SLC16A1: variants seen among roughly 807,000 people sequenced by gnomAD.
SLC16A1 encodes monocarboxylate transporter 1.
SLC16A1 carries 11 observed loss-of-function variants against 32.2 expected under a neutral mutation model. The ratio of observed to expected loss-of-function variants is 0.34; its 90% CI spans 0.21 to 0.56. The LOEUF is 0.56. Ranked by LOEUF, SLC16A1 falls within the 20% of genes least tolerant of loss-of-function variation. The pLI is 0.87. For missense variants in SLC16A1, 435 were observed against 615.0 expected, an observed-to-expected ratio of 0.71 and a Z score of 3.10; for synonymous variants, 231 against 226.8, an observed-to-expected ratio of 1.02 and a Z score of -0.17.
intron 2 of SLC16A1, 191 bp from the exon 3 acceptor site, chr1:112,922,324 A>G: frequency 3.2e-6 from 2 of 619,080 alleles, no homozygotes; most frequent in Non-Finnish European, 5.6e-6. Context: ...TTAATTGTGC[A>G]GGTTCTAAAT....
At chr1:112,923,177 G>A (rs1407914556) in intron 2 of SLC16A1, among the ~76,000 whole-genome samples, 1 of 152,138 alleles carries the variant, frequency 6.6e-6, no homozygotes, top group African/African-American at 2.4e-5. Context: ...AAATTAGCTG[G>A]GCGTGGTGGC....
intron 1 of SLC16A1, among the ~76,000 whole-genome samples, chr1:112,934,648 CTTT>C (rs1450146325): frequency 1.3e-5 from 2 of 152,074 alleles, no homozygotes; most frequent in Admixed American, 1.3e-4. Flanking sequence ...AGGCAAACTT[CTTT>C]GTCTTAGTTA....
In SLC16A1 at chr1:112,956,140, G is replaced by GT. The variant is rs1650089904; in HGVS notation, c.-151dup. 1 of 152,302 alleles carries GT rather than the reference G, an allele frequency of 6.6e-6. No homozygotes were observed. 9.4% of individuals were successfully genotyped at this position (152,302 alleles called of 1,614,324 possible). A position where few individuals can be genotyped will look rare whatever the true frequency, so the allele number is the denominator to read the frequency against. ...GCTCCCGTCCTTCGCTCGCTGCCTCGTTTGCTTGTTCCAGTACCCACGCAG... is the reference window on the plus strand; with the variant it reads ...GCTCCCGTCCTTCGCTCGCTGCCTCGTTTTGCTTGTTCCAGTACCCACGCAG... On this transcript the variant is annotated 5_prime_UTR_variant, in exon 1 of 5. Transcript: ENST00000369626.
rs756006376 is a variant in SLC16A1, at chr1:112,914,049, C to T, written c.1345G>A (p.Ala449Thr). ...IGMGINYRLL[A>T]KEQKANEQKK... Reference sequence around the variant, plus strand: ...TGCTCGTTTGCTTTCTGTTCTTTTGCCAAAAGTCGATAATTGATGCCCATG... The same window carrying T: ...TGCTCGTTTGCTTTCTGTTCTTTTGTCAAAAGTCGATAATTGATGCCCATG... The change falls in exon 5 of 5, where the codon GCA (alanine) becomes ACA (threonine). Residue 449 changes from alanine to threonine, a missense_variant. Ala to Thr is a moderately conservative substitution (Grantham distance 58, BLOSUM62 0). Transcript: ENST00000369626. 42 of 1,613,996 alleles carry T rather than the reference C, an allele frequency of 2.6e-5. No homozygotes were observed. The highest frequency in any genetic ancestry group is 3.2e-5 in the Non-Finnish European group (38 of 1,180,040).
chr1:112,948,983 A>C (rs1438106410), intron 1 of SLC16A1, among the ~76,000 whole-genome samples: 1 of 151,950 alleles, frequency 6.6e-6, no homozygotes, highest in Non-Finnish European at 1.5e-5. Flanking sequence ...GGCGCCCACC[A>C]CCATGCCCGG....
At chr1:112,946,617 T>C (rs576730937) in intron 1 of SLC16A1, among the ~76,000 whole-genome samples, 2 of 152,332 alleles carry the variant, frequency 1.3e-5, no homozygotes, top group Non-Finnish European at 2.9e-5. Context: ...GCAGTGGCAC[T>C]ATCTCGGCTC....
intron 1 of SLC16A1, among the ~76,000 whole-genome samples, chr1:112,954,265 T>C (rs1020667687): frequency 1.3e-5 from 2 of 152,232 alleles, no homozygotes; most frequent in Non-Finnish European, 2.9e-5. Flanking sequence ...CTGAGAAATC[T>C]ATTTTCAGGC....
At position 112,917,104 on chromosome 1, in the gene SLC16A1, T is replaced by TCTGTCA. The variant is rs755978279; in HGVS notation, c.1228+73_1228+74insTGACAG. The TCTGTCA allele has an allele frequency of 1.3e-6, 2 of 1,588,746 alleles. No homozygotes were observed. The highest frequency in any genetic ancestry group is 2.7e-5 in the African/African-American group (2 of 74,426). On this transcript the variant is annotated intron_variant, in intron 4 of 4. Coordinates refer to ENST00000369626, the MANE Select transcript of SLC16A1 (RefSeq NM_003051.4). This position sits in a 1 kb window ranked among gnomAD's most constrained non-coding sequence, Gnocchi z 4.1. Reference sequence around the variant, plus strand: ...CTTACCCAAATAGCTCACTAATGTTTGCTTTCTGTCAGCATTCCCATCTTA... The same window carrying TCTGTCA: ...CTTACCCAAATAGCTCACTAATGTTTCTGTCAGCTTTCTGTCAGCATTCCCATCTTA...
At chr1:112,933,678 T>C (rs1225605211) in intron 1 of SLC16A1, among the ~76,000 whole-genome samples, 1 of 152,096 alleles carries the variant, frequency 6.6e-6, no homozygotes, top group African/African-American at 2.4e-5. Flanking sequence ...CGTTGGTTAT[T>C]TAAAAATGCA....
At chr1:112,929,878 G>A (rs1192565215) in intron 1 of SLC16A1, among the ~76,000 whole-genome samples, 1 of 152,084 alleles carries the variant, frequency 6.6e-6, no homozygotes, top group Non-Finnish European at 1.5e-5. Flanking sequence ...GTAAACAAGA[G>A]ACCTGATGAG....
intron 1 of SLC16A1, 70 bp from the exon 2 acceptor site, chr1:112,929,422 A>G: frequency 1.2e-6 from 1 of 862,638 alleles, no homozygotes; most frequent in Non-Finnish European, 1.9e-6. Context: ...GTGAAATAAG[A>G]AATATAGCCA....
intron 1 of SLC16A1, among the ~76,000 whole-genome samples, chr1:112,945,503 C>T (rs1006365432): frequency 1.3e-5 from 2 of 150,376 alleles, no homozygotes; most frequent in African/African-American, 2.4e-5. Flanking sequence ...GGTGAAACCC[C>T]GTCTCTACTA....
intron 1 of SLC16A1, among the ~76,000 whole-genome samples, chr1:112,940,388 G>A (rs1035889547): frequency 2.0e-5 from 3 of 152,010 alleles, no homozygotes; most frequent in African/African-American, 4.8e-5. Context: ...GACCTCAATC[G>A]TGAGAGAGTC....
rs747770527 is a variant in SLC16A1 at position 112,917,374 on chromosome 1, A to G, written c.1032T>C (p.His344=). The G allele has an allele frequency of 3.1e-6, 5 of 1,614,132 alleles. No homozygotes were observed. The African/African-American group carries it at 5.3e-5, about 17-fold the overall frequency. The change falls in exon 4 of 5, where the codon CAT becomes CAC. Residue 344 remains histidine, a synonymous_variant. Coordinates refer to ENST00000369626, the MANE Select transcript of SLC16A1 (RefSeq NM_003051.4). This position sits in a 1 kb window ranked among gnomAD's most constrained non-coding sequence, Gnocchi z 4.1. Reference sequence around the variant, plus strand: ...AGGTAGTGGATAAAGGTGCTAGCATATGACACACTCCATTTGCAACAACGG... The same window carrying G: ...AGGTAGTGGATAAAGGTGCTAGCATGTGACACACTCCATTTGCAACAACGG... ...AASVVANGVC[H]MLAPLSTTYV...
intron 1 of SLC16A1, among the ~76,000 whole-genome samples, chr1:112,940,925 TAAGCAAACTAACACAGTA>T (rs1649486184): frequency 6.6e-6 from 1 of 152,198 alleles, no homozygotes. Flanking sequence ...GCCATTATCC[TAAGCAAACTAACACAGTA>T]AACCAAATAT....
chr1:112,933,748 T>C (rs1438177721), intron 1 of SLC16A1, among the ~76,000 whole-genome samples: 1 of 152,198 alleles, frequency 6.6e-6, no homozygotes, highest in Non-Finnish European at 1.5e-5. Flanking sequence ...TCCATGACTT[T>C]GTGGGGTTAT....
intron 1 of SLC16A1, among the ~76,000 whole-genome samples, chr1:112,941,884 T>C (rs1384678545): frequency 6.6e-6 from 1 of 152,018 alleles, no homozygotes; most frequent in East Asian, 1.9e-4. Context: ...CAGAAGGAGG[T>C]TGAGAGGAGG....
intron 2 of SLC16A1, among the ~76,000 whole-genome samples, chr1:112,925,526 A>G (rs1471804745): frequency 6.6e-6 from 1 of 151,956 alleles, no homozygotes; most frequent in Non-Finnish European, 1.5e-5. Flanking sequence ...CTTCAGGTGC[A>G]TGCCACCGTG....
At chr1:112,924,626 G>C (rs1648870944) in intron 2 of SLC16A1, among the ~76,000 whole-genome samples, 1 of 152,100 alleles carries the variant, frequency 6.6e-6, no homozygotes, top group Non-Finnish European at 1.5e-5. Flanking sequence ...AAAAATGCAT[G>C]ATCATTTTTT....
Sources: gnomAD v4.1 joint callset for allele counts (sites outside exome capture counted in the v4.1 genomes callset) on GRCh38, gnomAD v4.1.1 for gene constraint, Gnocchi (gnomAD v3.1) non-coding constraint, MANE v1.5 for transcripts, NCBI Gene and HGNC (gene_info 2026-07-23, HGNC 2026-07-21) for gene names.